PHF2: variants seen among roughly 807,000 people sequenced by gnomAD.
PHF2 encodes the protein lysine-specific demethylase PHF2.
A neutral mutation model predicts 120.5 loss-of-function variants in PHF2; 27 were observed. The ratio of observed to expected loss-of-function variants is 0.22; its 90% CI spans 0.17 to 0.31. The LOEUF is 0.31. Ranked by LOEUF, PHF2 falls within the 10% of genes least tolerant of loss-of-function variation. The pLI is 1.00. For missense variants in PHF2, 1,024 were observed against 1,434.8 expected (o/e 0.71, Z 4.63); for synonymous variants, 568 against 592.5 (o/e 0.96, Z 0.60).
chr9:93,673,793 A>G lies in PHF2; in HGVS notation c.2557A>G (p.Ser853Gly). Residue 853 changes from serine (S) to glycine (G), a missense_variant, in exon 18 of 22, where the codon AGT becomes GGT. Ser to Gly is a moderately conservative substitution (Grantham distance 56). Around this residue, in one of 2 missense-constraint regions of PHF2, gnomAD observed 677 missense variants for 857.4 expected, o/e 0.79. Coordinates refer to ENST00000359246, the MANE Select transcript of PHF2 (RefSeq NM_005392.4). ...KRLLKRAAKN[S>G]VDLDDYEEEQ... ...ACTGCTGAAGAGGGCTGCCAAGAACAGTGTCGACCTGGACGACTACGAGGA... is the reference window on the plus strand; with the variant it reads ...ACTGCTGAAGAGGGCTGCCAAGAACGGTGTCGACCTGGACGACTACGAGGA... 1.2e-6 allele frequency: 2 copies of G among 1,612,578 alleles called. No homozygotes were observed. Among genetic ancestry groups the G allele is most frequent in the Non-Finnish European group, 1.7e-6 (2 of 1,179,030 alleles).
At chr9:93,582,668 C>T (rs1489286205) in intron 1 of PHF2, among the ~76,000 whole-genome samples, 18 of 152,162 alleles carry the variant, frequency 1.2e-4, no homozygotes, top group Admixed American at 1.2e-3. Context: ...GGGTCACTCA[C>T]AGAAGAACAT....
chr9:93,674,179 C>T (rs1826865991), intron 18 of PHF2, among the ~76,000 whole-genome samples: 1 of 152,126 alleles, frequency 6.6e-6, no homozygotes, highest in South Asian at 2.1e-4. Flanking sequence ...CCTCCTGAAC[C>T]TTGGGTCCTG....
chr9:93,674,306 A>C (rs945373749), intron 18 of PHF2, among the ~76,000 whole-genome samples: 28 of 151,886 alleles, frequency 1.8e-4, no homozygotes, highest in Admixed American at 3.3e-4. Context: ...GCAGCTCCCC[A>C]CCAGCCACAG....
At chr9:93,659,479 T>C (rs1826520553) in intron 10 of PHF2, 32 bp from the exon 11 acceptor site, 1 of 1,590,132 alleles carries the variant, frequency 6.3e-7, no homozygotes. Flanking sequence ...GGGAGGTGTC[T>C]GGTGCTGACC....
intron 1 of PHF2, among the ~76,000 whole-genome samples, chr9:93,617,129 G>A (rs1825742327): frequency 6.6e-6 from 1 of 152,174 alleles, no homozygotes; most frequent in Non-Finnish European, 1.5e-5. Context: ...CTGAGCCAGG[G>A]GCCAGGGCCA....
At chr9:93,583,863 T>G (rs916461150) in intron 1 of PHF2, among the ~76,000 whole-genome samples, 3 of 150,544 alleles carry the variant, frequency 2.0e-5, no homozygotes, top group African/African-American at 7.3e-5. Flanking sequence ...AGTTTTGCCC[T>G]TGTTGCCCAG....
intron 1 of PHF2, among the ~76,000 whole-genome samples, chr9:93,582,353 C>T (rs1862947920): frequency 6.6e-6 from 1 of 152,216 alleles, no homozygotes; most frequent in African/African-American, 2.4e-5. Flanking sequence ...AATGTAGTCA[C>T]AGAGGAAGGC....
At chr9:93,653,555 A>T (rs1201939373) in intron 6 of PHF2, among the ~76,000 whole-genome samples, 190 bp downstream of exon 6, 2 of 152,214 alleles carry the variant, frequency 1.3e-5, no homozygotes, top group African/African-American at 4.8e-5. Context: ...ATGTGGGACC[A>T]GAGAACCGCA....
At chr9:93,657,999 T>C in intron 9 of PHF2, 146 bp from the exon 10 acceptor site, 1 of 608,506 alleles carries the variant, frequency 1.6e-6, no homozygotes, top group Non-Finnish European at 2.9e-6. Context: ...CAAGAGGAAC[T>C]GTTGGCAGTT....
At chr9:93,661,446 G>C (rs1342045400) in intron 12 of PHF2, among the ~76,000 whole-genome samples, 1 of 152,136 alleles carries the variant, frequency 6.6e-6, no homozygotes, top group Non-Finnish European at 1.5e-5. Context: ...TGGATGAATG[G>C]ATGAACAGAC....
chr9:93,607,439 ATTTTTTTTTTTTT>A (rs36083667), intron 1 of PHF2, among the ~76,000 whole-genome samples: 1 of 100,550 alleles, frequency 9.9e-6, no homozygotes, highest in Admixed American at 1.1e-4. Flanking sequence ...TGCCTGGCTA[ATTTTTTTTTTTTT>A]TTTTTTTTTT....
At chr9:93,622,382 G>A (rs1345862199) in intron 1 of PHF2, among the ~76,000 whole-genome samples, 1 of 152,238 alleles carries the variant, frequency 6.6e-6, no homozygotes, top group South Asian at 2.1e-4. Context: ...AGCATTGCAA[G>A]AGGGGAGGAA....
intron 16 of PHF2, among the ~76,000 whole-genome samples, chr9:93,666,300 G>T (rs776858001): frequency 2.0e-5 from 3 of 152,214 alleles, no homozygotes; most frequent in Non-Finnish European, 2.9e-5. Flanking sequence ...CTCCTGCCGG[G>T]GGAGGTTATT....
At chr9:93,617,331 T>A (rs1825745648) in intron 1 of PHF2, among the ~76,000 whole-genome samples, 1 of 152,200 alleles carries the variant, frequency 6.6e-6, no homozygotes. Context: ...AGAAAGCCAC[T>A]GTGTCCTGTC....
intron 1 of PHF2, among the ~76,000 whole-genome samples, chr9:93,577,943 G>A (rs769573023): frequency 3.3e-5 from 5 of 152,188 alleles, no homozygotes; most frequent in Non-Finnish European, 7.3e-5. Context: ...TATGCCCTCT[G>A]GGGCTCCAGT....
intron 1 of PHF2, among the ~76,000 whole-genome samples, chr9:93,601,015 A>G (rs921399571): frequency 2.0e-5 from 3 of 152,258 alleles, no homozygotes; most frequent in Admixed American, 1.3e-4. Flanking sequence ...TTCTCTTGCA[A>G]TAACTGAATA....
intron 3 of PHF2, 53 bp from the exon 4 acceptor site, chr9:93,645,576 C>A: frequency 6.7e-7 from 1 of 1,497,932 alleles, no homozygotes; most frequent in Non-Finnish European, 8.9e-7. Flanking sequence ...ACACCTGTCC[C>A]GGTGCAGGAG....
At position 93,677,974 on chromosome 9, in the gene PHF2, C is replaced by T. The variant is rs959525822; in HGVS notation, c.*298C>T. On this transcript the variant is annotated 3_prime_UTR_variant, in exon 22 of 22. Transcript: ENST00000359246. This position sits in a 1 kb window ranked among gnomAD's most constrained non-coding sequence, Gnocchi z 4.4. The stretch of plus-strand genomic sequence containing the variant: ...AAGGACAGCCTTCAGGCCCCCTGAG[C>T]GTGGGTGTGATTGCAGGGCCTCTGC... 5 of 352,774 alleles carry T rather than the reference C, an allele frequency of 1.4e-5. No homozygotes were observed. The highest frequency in any genetic ancestry group is 8.3e-4 in the Middle Eastern group (1 of 1,212). The allele number at this position is 352,774 out of a possible 1,614,324, so 21.9% of individuals were successfully genotyped here. A position where few individuals can be genotyped will look rare whatever the true frequency, so the allele number is the denominator to read the frequency against.
At position 93,645,536 on chromosome 9, in the gene PHF2, G is replaced by A. The variant is rs1487388226; in HGVS notation, c.300-93G>A. On this transcript the variant is annotated intron_variant, in intron 3 of 21. Transcript: ENST00000359246. Reference sequence around the variant, plus strand: ...GTGGGAGGTGGGTGGCCAGACCCAGGCTCACCTCTCCAGCACCGAGGCCCT... The same window carrying A: ...GTGGGAGGTGGGTGGCCAGACCCAGACTCACCTCTCCAGCACCGAGGCCCT... 6.0e-6 allele frequency: 8 copies of A among 1,339,186 alleles called. No homozygotes were observed. The South Asian group carries it at 9.9e-5, about 17-fold the overall frequency. The allele number at this position is 1,339,186 out of a possible 1,614,324, so 83.0% of individuals were successfully genotyped here.
Sources: gnomAD v4.1 joint callset for allele counts (sites outside exome capture counted in the v4.1 genomes callset) on GRCh38, gnomAD v4.1.1 for gene constraint, gnomAD v4.1.1 regional missense constraint, Gnocchi (gnomAD v3.1) non-coding constraint, MANE v1.5 for transcripts, NCBI Gene and HGNC (gene_info 2026-07-23, HGNC 2026-07-21) for gene names.